Variants in PMEPA1 observed in about 807,000 individuals in gnomAD.
PMEPA1 encodes prostate transmembrane protein, androgen induced 1.
A neutral mutation model predicts 23.0 loss-of-function variants in PMEPA1; 11 were observed. The ratio of observed to expected loss-of-function variants is 0.48; its 90% CI spans 0.30 to 0.79. The LOEUF (loss-of-function observed/expected upper bound fraction) is 0.79, where lower values mean the gene tolerates loss of function less well. Ranked by LOEUF, PMEPA1 falls within the 30% of genes least tolerant of loss-of-function variation. PMEPA1 has a pLI of 0.06. For synonymous variants in PMEPA1, 204 were observed against 166.4 expected, an observed-to-expected ratio of 1.23 and a Z score of -1.74; for missense variants, 377 against 390.9, an observed-to-expected ratio of 0.96 and a Z score of 0.30.
chr20:57,709,627 G>T lies in PMEPA1; in HGVS notation c.-45C>A. On this transcript the variant is annotated 5_prime_UTR_variant, in exon 1 of 4. Transcript: ENST00000341744. ...CGCGGGGCGCGGGGGGCTCGGGGGC[G>T]GCCGGGGGGGGCTCCGGCCGGCGCC... 1 of 970,624 alleles carries T rather than the reference G, an allele frequency of 1.0e-6. No homozygotes were observed. The highest frequency in any genetic ancestry group is 1.8e-5 in the African/African-American group (1 of 55,448). The allele number at this position is 970,624 out of a possible 1,614,324, so 60.1% of individuals were successfully genotyped here.
At chr20:57,707,280 A>G (rs1176884772) in intron 1 of PMEPA1, among the ~76,000 whole-genome samples, 2 of 152,092 alleles carry the variant, frequency 1.3e-5, no homozygotes, top group Non-Finnish European at 2.9e-5. Flanking sequence ...AAGAAACTCC[A>G]GGAGACACCA....
chr20:57,652,040 C>T lies in PMEPA1; in HGVS notation c.*13G>A, dbSNP rs985708301. 2 of 1,461,188 alleles carry T rather than the reference C, an allele frequency of 1.4e-6. No homozygotes were observed. The highest frequency in any genetic ancestry group is 1.8e-6 in the Non-Finnish European group (2 of 1,102,592). 90.5% of individuals were successfully genotyped at this position (1,461,188 alleles called of 1,614,324 possible). A position where few individuals can be genotyped will look rare whatever the true frequency, so the allele number is the denominator to read the frequency against. On this transcript the variant is annotated 3_prime_UTR_variant, in exon 4 of 4. Coordinates refer to ENST00000341744, the MANE Select transcript of PMEPA1 (RefSeq NM_020182.5). This position sits in a 1 kb window ranked among gnomAD's most constrained non-coding sequence, Gnocchi z 6.1. ...TTCACCTACGCAGCCCCAGCCCGGC[C>T]CCCCTGGGGACCCTAGAGAGGGTGT...
chr20:57,710,155 T>G, upstream of PMEPA1: 4 of 602,850 alleles, frequency 6.6e-6, no homozygotes, highest in Non-Finnish European at 9.1e-6. Flanking sequence ...GGCGGGCTCT[T>G]AAAGGGCCAG....
chr20:57,669,142 C>CATTTATTTATTTATTTATTT (rs10523107), intron 1 of PMEPA1, among the ~76,000 whole-genome samples: 23 of 145,622 alleles, frequency 1.6e-4, no homozygotes, highest in East Asian at 4.1e-4. Context: ...TAAAAAAGCA[C>CATTTATTTATTTATTTATTT]ATTTATTTAT....
intron 1 of PMEPA1, among the ~76,000 whole-genome samples, chr20:57,693,268 G>C (rs772190362): frequency 5.3e-5 from 8 of 152,208 alleles, no homozygotes; most frequent in Non-Finnish European, 1.2e-4. Context: ...TGAGCAGAGA[G>C]ACCAGGCCCA....
intron 1 of PMEPA1, among the ~76,000 whole-genome samples, chr20:57,701,604 A>G (rs544169705): frequency 6.6e-6 from 1 of 152,254 alleles, no homozygotes; most frequent in African/African-American, 2.4e-5. Flanking sequence ...CCTGCCCCCA[A>G]TAGTGGAAAC....
At chr20:57,693,612 T>C (rs2071910266) in intron 1 of PMEPA1, among the ~76,000 whole-genome samples, 1 of 152,160 alleles carries the variant, frequency 6.6e-6, no homozygotes, top group African/African-American at 2.4e-5. Flanking sequence ...TCCCCAGAGC[T>C]AAAAAGGTAC....
At chr20:57,694,207 C>A (rs1035164170) in intron 1 of PMEPA1, among the ~76,000 whole-genome samples, 2 of 152,238 alleles carry the variant, frequency 1.3e-5, no homozygotes, top group Non-Finnish European at 2.9e-5. Flanking sequence ...AGATCTGTAA[C>A]TGCTGATTAA....
chr20:57,680,891 T>C (rs978794124), intron 1 of PMEPA1, among the ~76,000 whole-genome samples: 8 of 151,822 alleles, frequency 5.3e-5, no homozygotes, highest in African/African-American at 1.9e-4. Context: ...AATACATGGG[T>C]GAGGGAAAGT....
At chr20:57,679,416 G>A (rs1182192171) in intron 1 of PMEPA1, among the ~76,000 whole-genome samples, 1 of 152,190 alleles carries the variant, frequency 6.6e-6, no homozygotes, top group South Asian at 2.1e-4. Context: ...CATAGACAAC[G>A]TGAACTTGAA....
Position 57,654,446 on chromosome 20 carries a change from C to G in PMEPA1, c.265-1360G>C, listed in dbSNP as rs528849824. 2.6e-5 allele frequency among the ~76,000 whole-genome samples: 4 copies of G among 152,134 alleles called. No homozygotes were observed. The East Asian group carries it at 5.8e-4, about 22-fold the overall frequency. ...GAACGGCCAGAGGGTGGTAATTTCC[C>G]ATATGGCCACTAGGAGGCTCTGTGG... On this transcript the variant is annotated intron_variant, in intron 2 of 3. Coordinates refer to ENST00000341744, the MANE Select transcript of PMEPA1 (RefSeq NM_020182.5).
At chr20:57,696,847 G>A (rs2071948418) in intron 1 of PMEPA1, among the ~76,000 whole-genome samples, 2 of 152,240 alleles carry the variant, frequency 1.3e-5, no homozygotes, top group South Asian at 2.1e-4. Context: ...AGGCTGGCAA[G>A]AGAAAATGGA....
At chr20:57,668,446 C>T (rs552351831) in intron 1 of PMEPA1, among the ~76,000 whole-genome samples, 159 of 152,338 alleles carry the variant, frequency 1.0e-3, no homozygotes, top group African/African-American at 3.7e-3. Flanking sequence ...AGTTAACTTC[C>T]CGGATGGAAC....
rs558898392 is a variant in PMEPA1 at position 57,666,634 on chromosome 20, A to G, written c.110-6937T>C. 1.1e-4 allele frequency among the ~76,000 whole-genome samples: 16 copies of G among 152,338 alleles called. No homozygotes were observed. The South Asian group carries it at 2.9e-3, about 28-fold the overall frequency. ...TGTGACTGATCTTGGGGTCAGTAAC[A>G]AGTGCCTGGCGTGTCGCCCCCAACG... On this transcript the variant is annotated intron_variant, in intron 1 of 3. Coordinates refer to ENST00000341744, the MANE Select transcript of PMEPA1 (RefSeq NM_020182.5).
At position 57,652,044 on chromosome 20, in the gene PMEPA1, CT is replaced by C. The variant is rs764250056; in HGVS notation, c.*8del. ...CCTACGCAGCCCCAGCCCGGCCCCCCTGGGGACCCTAGAGAGGGTGTCCTTT... is the reference window on the plus strand; with the variant it reads ...CCTACGCAGCCCCAGCCCGGCCCCCCGGGGACCCTAGAGAGGGTGTCCTTT... On this transcript the variant is annotated 3_prime_UTR_variant, in exon 4 of 4. Transcript: ENST00000341744. This position sits in a 1 kb window ranked among gnomAD's most constrained non-coding sequence, Gnocchi z 6.1. 10 of 1,467,226 alleles carry C rather than the reference CT, an allele frequency of 6.8e-6. No homozygotes were observed. Among genetic ancestry groups the C allele is most frequent in the African/African-American group, 5.7e-5 (4 of 70,480 alleles). The allele number at this position is 1,467,226 out of a possible 1,614,324, so 90.9% of individuals were successfully genotyped here. A position where few individuals can be genotyped will look rare whatever the true frequency, so the allele number is the denominator to read the frequency against.
chr20:57,688,259 T>C (rs1230517303), intron 1 of PMEPA1, among the ~76,000 whole-genome samples: 1 of 152,126 alleles, frequency 6.6e-6, no homozygotes, highest in Non-Finnish European at 1.5e-5. Context: ...AGGGAGCAAG[T>C]TGGAGAGGGG....
At chr20:57,674,048 C>A (rs1380622707) in intron 1 of PMEPA1, among the ~76,000 whole-genome samples, 1 of 152,202 alleles carries the variant, frequency 6.6e-6, no homozygotes, top group African/African-American at 2.4e-5. Flanking sequence ...CACCTCCCTT[C>A]CCAAACCCTC....
At chr20:57,697,562 C>T (rs6025728) in intron 1 of PMEPA1, among the ~76,000 whole-genome samples, 107,386 of 152,200 alleles carry the variant, frequency 0.71, 38,805 homozygotes, top group East Asian at 0.98. Context: ...ACCAATGACA[C>T]GCTTTGCACT....
chr20:57,684,537 G>A (rs1156637483), intron 1 of PMEPA1, among the ~76,000 whole-genome samples: 1 of 152,190 alleles, frequency 6.6e-6, no homozygotes, highest in Non-Finnish European at 1.5e-5. Flanking sequence ...GCAGGACGAT[G>A]CCTATTTGGC....
Sources: allele counts gnomAD v4.1 joint callset (sites outside exome capture counted in the v4.1 genomes callset), GRCh38; gene constraint gnomAD v4.1.1; non-coding constraint Gnocchi (gnomAD v3.1); transcripts MANE v1.5; gene names NCBI Gene and HGNC (gene_info 2026-07-23, HGNC 2026-07-21).